TBCA: variants seen among roughly 807,000 people sequenced by gnomAD.
TBCA encodes the protein tubulin-specific chaperone A.
TBCA carries 6 observed loss-of-function variants against 15.8 expected under a neutral mutation model. The observed-to-expected ratio is 0.38, with a 90% CI of 0.21 to 0.75. The LOEUF (loss-of-function observed/expected upper bound fraction) is 0.75, where lower values mean the gene tolerates loss of function less well. Among genes scored for constraint, TBCA ranks in the 30% least tolerant of loss-of-function variants. The pLI is 0.46. For missense variants in TBCA, 90 were observed against 131.2 expected, an observed-to-expected ratio of 0.69 and a Z score of 1.53; for synonymous variants, 32 against 42.3, an observed-to-expected ratio of 0.76 and a Z score of 0.94.
At chr5:77,727,631 C>T (rs903761312) in intron 1 of TBCA, among the ~76,000 whole-genome samples, 2 of 152,168 alleles carry the variant, frequency 1.3e-5, no homozygotes, top group African/African-American at 4.8e-5. Context: ...AACTCTGGCT[C>T]TCTTTCCCCA....
At chr5:77,709,750 T>C (rs552968404) in intron 1 of TBCA, among the ~76,000 whole-genome samples, 2 of 152,304 alleles carry the variant, frequency 1.3e-5, no homozygotes, top group South Asian at 2.1e-4. Flanking sequence ...AGCAACATTA[T>C]GCAAGACAGG....
At chr5:77,755,507 G>A (rs1193601380) in intron 1 of TBCA, among the ~76,000 whole-genome samples, 2 of 152,040 alleles carry the variant, frequency 1.3e-5, no homozygotes, top group Admixed American at 6.6e-5. Context: ...CCTGGGAGGT[G>A]GAGGTTGCAG....
At position 77,736,057 on chromosome 5, in the gene TBCA, G is replaced by A. The variant is rs367595954; in HGVS notation, c.54-27710C>T. Among the ~76,000 whole-genome samples, 20 of 152,216 alleles carry A rather than the reference G, an allele frequency of 1.3e-4. 1 individual carries two copies. Among genetic ancestry groups the A allele is most frequent in the South Asian group, 8.3e-4 (4 of 4,826 alleles). ...AAGTTAAAAAATCTAGCTGGAGGCC[G>A]GGTGCGGTGGCTCACGCCTGTAATC... On this transcript the variant is annotated intron_variant, in intron 1 of 3. Transcript: ENST00000380377.
chr5:77,700,174 C>T (rs1745979098), intron 2 of TBCA, among the ~76,000 whole-genome samples: 1 of 152,038 alleles, frequency 6.6e-6, no homozygotes, highest in African/African-American at 2.4e-5. Flanking sequence ...CACTGCACTC[C>T]AGCCTGGGCG....
chr5:77,692,372 A>G (rs1745771372), intron 3 of TBCA: 1 of 984,712 alleles, frequency 1.0e-6, no homozygotes, highest in African/African-American at 1.7e-5. Context: ...TAGTAAATAC[A>G]AGCTCTTCAA....
chr5:77,740,230 C>G (rs984957923), intron 1 of TBCA, among the ~76,000 whole-genome samples: 1 of 152,142 alleles, frequency 6.6e-6, no homozygotes, highest in Non-Finnish European at 1.5e-5. Flanking sequence ...AGGTTATAAC[C>G]TTATAAAGTT....
chr5:77,755,223 T>C (rs546222700), intron 1 of TBCA, among the ~76,000 whole-genome samples: 1 of 152,338 alleles, frequency 6.6e-6, no homozygotes, highest in Non-Finnish European at 1.5e-5. Context: ...AGGAATTTTA[T>C]AGTTACAGGT....
intron 2 of TBCA, among the ~76,000 whole-genome samples, chr5:77,701,911 A>C (rs933061319): frequency 4.0e-5 from 6 of 151,744 alleles, no homozygotes; most frequent in African/African-American, 1.5e-4. Flanking sequence ...ACTGGAGACT[A>C]TTAGTCTAAG....
At chr5:77,740,332 G>T (rs932984768) in intron 1 of TBCA, among the ~76,000 whole-genome samples, 1 of 152,162 alleles carries the variant, frequency 6.6e-6, no homozygotes, top group East Asian at 1.9e-4. Context: ...CTGCAACATG[G>T]ATAATGTAAT....
intron 1 of TBCA, among the ~76,000 whole-genome samples, chr5:77,766,987 G>A (rs1747793680): frequency 6.6e-6 from 1 of 152,184 alleles, no homozygotes; most frequent in Non-Finnish European, 1.5e-5. Flanking sequence ...GAAAAGACGT[G>A]AAGAACTGTT....
At chr5:77,761,554 A>G in intron 1 of TBCA, among the ~76,000 whole-genome samples, 1 of 152,096 alleles carries the variant, frequency 6.6e-6, no homozygotes, top group South Asian at 2.1e-4. Context: ...TCACGTGTTT[A>G]TCTGCTGACC....
intron 1 of TBCA, among the ~76,000 whole-genome samples, chr5:77,758,865 G>T (rs1561282981): frequency 6.6e-6 from 1 of 152,168 alleles, no homozygotes; most frequent in Non-Finnish European, 1.5e-5. Context: ...ATTGGAGACT[G>T]ACTGCCAATT....
At chr5:77,756,021 C>CA (rs78531341) in intron 1 of TBCA, among the ~76,000 whole-genome samples, 33 of 151,430 alleles carry the variant, frequency 2.2e-4, no homozygotes, top group South Asian at 4.2e-4. Context: ...ACAACAACAA[C>CA]AAAAAAAAAA....
At chr5:77,737,268 A>G (rs940232798) in intron 1 of TBCA, among the ~76,000 whole-genome samples, 2 of 152,216 alleles carry the variant, frequency 1.3e-5, no homozygotes, top group African/African-American at 4.8e-5. Flanking sequence ...TTTTGTTTAA[A>G]AAAACAAAAC....
chr5:77,735,347 G>C (rs1344748155), intron 1 of TBCA, among the ~76,000 whole-genome samples: 1 of 151,982 alleles, frequency 6.6e-6, no homozygotes, highest in Non-Finnish European at 1.5e-5. Context: ...TTTTCAAAGG[G>C]AATTTCATTG....
intron 1 of TBCA, among the ~76,000 whole-genome samples, chr5:77,742,367 T>C (rs1367794762): frequency 2.0e-5 from 3 of 152,194 alleles, no homozygotes; most frequent in African/African-American, 7.2e-5. Context: ...TTATTTTATG[T>C]CTCTTCCTCA....
intron 2 of TBCA, among the ~76,000 whole-genome samples, chr5:77,696,775 G>C (rs1384970438): frequency 1.3e-5 from 2 of 152,114 alleles, no homozygotes; most frequent in African/African-American, 4.8e-5. Context: ...AAAATTAGGT[G>C]AGTGTGGTGG....
intron 1 of TBCA, among the ~76,000 whole-genome samples, chr5:77,737,966 C>T (rs1746947480): frequency 2.0e-5 from 3 of 152,198 alleles, no homozygotes; most frequent in Non-Finnish European, 1.5e-5. Context: ...ATTATCTGCT[C>T]TGGTGCAGTA....
intron 1 of TBCA, among the ~76,000 whole-genome samples, chr5:77,767,150 G>A (rs978159652): frequency 6.6e-5 from 10 of 152,160 alleles, no homozygotes; most frequent in African/African-American, 2.2e-4. Context: ...ATTTCATAGA[G>A]TACAAATGTA....
Sources: gnomAD v4.1 joint callset for allele counts (sites outside exome capture counted in the v4.1 genomes callset) on GRCh38, gnomAD v4.1.1 for gene constraint, MANE v1.5 for transcripts, NCBI Gene and HGNC (gene_info 2026-07-23, HGNC 2026-07-21) for gene names.